Variants in CLYBL observed in about 807,000 individuals in gnomAD.
CLYBL encodes citramalyl-CoA lyase.
Under a neutral mutation model 38.9 loss-of-function variants are expected in CLYBL, and 31 were observed. The ratio of observed to expected loss-of-function variants is 0.80; its 90% confidence interval spans 0.60 to 1.08. The LOEUF is 1.08. Among genes scored for constraint, CLYBL ranks in the 50% least tolerant of loss-of-function variants. CLYBL has a pLI of 0.00. For synonymous variants in CLYBL, 171 were observed against 158.6 expected (o/e 1.08, Z -0.59); for missense variants, 434 against 411.6 (o/e 1.05, Z -0.47).
At position 99,861,827 on chromosome 13, in the gene CLYBL, G is replaced by A. The variant is rs1289137578; in HGVS notation, c.439-1164G>A. ...ACCGGCAAGGAGGGGGCAGCTAGAA[G>A]GGGAAATAACACCTCTAATCCCGCT... is the stretch of plus-strand genomic sequence containing the variant. On this transcript the variant is annotated intron_variant, in intron 3 of 8. Transcript: ENST00000339105. Among the ~76,000 whole-genome samples, 4 of 152,178 alleles carry A rather than the reference G, an allele frequency of 2.6e-5. No homozygotes were observed. In the East Asian group the frequency reaches 7.7e-4, roughly 29 times the overall value.
At chr13:99,843,895 C>A (rs1203873437) in intron 2 of CLYBL, among the ~76,000 whole-genome samples, 1 of 152,200 alleles carries the variant, frequency 6.6e-6, no homozygotes, top group African/African-American at 2.4e-5. Flanking sequence ...AGCCACCATG[C>A]CTGGCCAAAA....
At chr13:99,650,119 T>C (rs975906958) in intron 1 of CLYBL, among the ~76,000 whole-genome samples, 9 of 151,898 alleles carry the variant, frequency 5.9e-5, no homozygotes, top group Middle Eastern at 3.4e-3. Flanking sequence ...AAAAATTAGC[T>C]GGGCGTGGTG....
At position 99,736,038 on chromosome 13, in the gene CLYBL, C is replaced by CTTTTTTTTT. The variant is rs767129851; in HGVS notation, c.63-36770_63-36762dup. 1.2e-3 allele frequency among the ~76,000 whole-genome samples: 95 copies of CTTTTTTTTT among 76,184 alleles called. 1 individual carries two copies. Among genetic ancestry groups the CTTTTTTTTT allele is most frequent in the African/African-American group, 1.6e-3 (30 of 19,086 alleles). 50.0% of individuals were successfully genotyped at this position (76,184 alleles called of 152,430 possible). On this transcript the variant is annotated intron_variant, in intron 1 of 8. Coordinates refer to ENST00000339105, the MANE Select transcript of CLYBL (RefSeq NM_206808.5). ...TTACTATATCCTATACGTTTCTTTT[C>CTTTTTTTTT]TTTTTTTTTTTTTTTTTTTTTTTTG...
At chr13:99,738,182 A>G (rs2048697062) in intron 1 of CLYBL, among the ~76,000 whole-genome samples, 3 of 152,224 alleles carry the variant, frequency 2.0e-5, no homozygotes, top group Admixed American at 2.0e-4. Context: ...TTCGTGATTC[A>G]TGTAACAACT....
intron 4 of CLYBL, among the ~76,000 whole-genome samples, chr13:99,864,013 T>C (rs1458257356): frequency 6.6e-6 from 1 of 152,246 alleles, no homozygotes; most frequent in Non-Finnish European, 1.5e-5. Context: ...TTTACACAAC[T>C]AACCATACAT....
At chr13:99,725,509 C>T (rs1256144751) in intron 1 of CLYBL, among the ~76,000 whole-genome samples, 1 of 152,038 alleles carries the variant, frequency 6.6e-6, no homozygotes, top group Non-Finnish European at 1.5e-5. Context: ...TTTTATTGAC[C>T]AGCTTTCTTG....
At chr13:99,788,129 A>G (rs1488190990) in intron 2 of CLYBL, among the ~76,000 whole-genome samples, 3 of 152,170 alleles carry the variant, frequency 2.0e-5, no homozygotes, top group East Asian at 3.9e-4. Flanking sequence ...TAAATATACA[A>G]TCATGTCATC....
chr13:99,706,456 C>T (rs769564062), intron 1 of CLYBL, among the ~76,000 whole-genome samples: 2 of 152,108 alleles, frequency 1.3e-5, no homozygotes, highest in Non-Finnish European at 2.9e-5. Context: ...CAGGTAGGCA[C>T]GGTGGCTGTG....
At chr13:99,779,405 G>GCAGGGATTACAGGCGCGAGC (rs1293071418) in intron 2 of CLYBL, among the ~76,000 whole-genome samples, 2 of 152,172 alleles carry the variant, frequency 1.3e-5, no homozygotes, top group Non-Finnish European at 2.9e-5. Context: ...CTCCCAAAGT[G>GCAGGGATTACAGGCGCGAGC]CAGGGATTAC....
intron 1 of CLYBL, among the ~76,000 whole-genome samples, chr13:99,614,855 A>G (rs2046685055): frequency 6.6e-6 from 1 of 152,120 alleles, no homozygotes. Context: ...ATCCAGAGGG[A>G]AGTTGAGGAC....
At chr13:99,742,963 C>G (rs946861887) in intron 1 of CLYBL, among the ~76,000 whole-genome samples, 4 of 151,616 alleles carry the variant, frequency 2.6e-5, no homozygotes, top group African/African-American at 9.7e-5. Flanking sequence ...TTTTGCTAGC[C>G]CTCTTCTTTT....
intron 2 of CLYBL, among the ~76,000 whole-genome samples, chr13:99,797,301 TATTTAAG>T (rs1340809680): frequency 6.6e-6 from 1 of 152,224 alleles, no homozygotes; most frequent in African/African-American, 2.4e-5. Context: ...TCTTACAGTA[TATTTAAG>T]ATTTAAGATC....
At chr13:99,617,492 A>G (rs973350399) in intron 1 of CLYBL, among the ~76,000 whole-genome samples, 1 of 152,158 alleles carries the variant, frequency 6.6e-6, no homozygotes, top group East Asian at 1.9e-4. Context: ...TCTGTGGCCA[A>G]AAACAAAAGT....
At chr13:99,635,884 A>G (rs989199702) in intron 1 of CLYBL, among the ~76,000 whole-genome samples, 10 of 152,228 alleles carry the variant, frequency 6.6e-5, no homozygotes, top group African/African-American at 2.2e-4. Context: ...AAGATAATAT[A>G]TATAAAGTGC....
chr13:99,862,908 G>GACTTT (rs2139216369), intron 3 of CLYBL, 83 bp from the exon 4 acceptor site: 1 of 588,480 alleles, frequency 1.7e-6, no homozygotes. Flanking sequence ...TCAGGTCAAA[G>GACTTT]ACTTAAATAC....
chr13:99,645,589 A>C (rs2047165876), intron 1 of CLYBL, among the ~76,000 whole-genome samples: 1 of 151,524 alleles, frequency 6.6e-6, no homozygotes, highest in Non-Finnish European at 1.5e-5. Context: ...GATGTTGAGC[A>C]CCTTTTCATA....
intron 1 of CLYBL, among the ~76,000 whole-genome samples, chr13:99,759,660 C>T (rs951963984): frequency 6.6e-6 from 1 of 152,040 alleles, no homozygotes; most frequent in Non-Finnish European, 1.5e-5. Flanking sequence ...CCAGCAGCAC[C>T]CATGGGTGAC....
At chr13:99,714,850 G>A (rs1426957827) in intron 1 of CLYBL, among the ~76,000 whole-genome samples, 1 of 152,062 alleles carries the variant, frequency 6.6e-6, no homozygotes, top group Non-Finnish European at 1.5e-5. Context: ...TTGGGAGGCT[G>A]AGGCACAAGA....
chr13:99,625,575 A>T (rs1401011986), intron 1 of CLYBL, among the ~76,000 whole-genome samples: 2 of 152,206 alleles, frequency 1.3e-5, no homozygotes, highest in Non-Finnish European at 2.9e-5. Context: ...TCCCTTTTTT[A>T]AAAAAATACT....
Sources: allele counts gnomAD v4.1 joint callset (sites outside exome capture counted in the v4.1 genomes callset), GRCh38; gene constraint gnomAD v4.1.1; transcripts MANE v1.5; gene names NCBI Gene and HGNC (gene_info 2026-07-23, HGNC 2026-07-21).